KIAA1217: variants seen among roughly 807,000 people sequenced by gnomAD.
KIAA1217 encodes KIAA1217.
A neutral mutation model predicts 163.9 loss-of-function variants in KIAA1217; 88 were observed. The observed-to-expected ratio is 0.54, with a 90% CI of 0.45 to 0.64. KIAA1217 has a LOEUF of 0.64. Among genes scored for constraint, KIAA1217 ranks in the 30% least tolerant of loss-of-function variants. The probability of loss-of-function intolerance (pLI) is 0.00; values close to 1 mark genes in which losing one functional copy is unlikely to be tolerated. For missense variants in KIAA1217, 2,372 were observed against 2,475.0 expected (o/e 0.96, Z 0.88); for synonymous variants, 903 against 923.1 (o/e 0.98, Z 0.39).
intron 1 of KIAA1217, among the ~76,000 whole-genome samples, chr10:23,937,734 G>C (rs952872022): frequency 6.6e-6 from 1 of 152,080 alleles, no homozygotes; most frequent in Non-Finnish European, 1.5e-5. Context: ...GGATAACAGG[G>C]CCCAGGTTTA....
chr10:23,800,743 A>G (rs1487811150), intron 1 of KIAA1217, among the ~76,000 whole-genome samples: 1 of 152,220 alleles, frequency 6.6e-6, no homozygotes, highest in Non-Finnish European at 1.5e-5. Context: ...ATCACTGGTT[A>G]TTAGAGAAAT....
At position 23,759,375 on chromosome 10, in the gene KIAA1217, C is replaced by T. The variant is rs76722746; in HGVS notation, c.-321+64141C>T. Reference sequence around the variant, plus strand: ...GTGAACAGAGATAATTTTGCTTCTTCCTTTCCAATTTGGATACCTTTGATT... The same window carrying T: ...GTGAACAGAGATAATTTTGCTTCTTTCTTTCCAATTTGGATACCTTTGATT... On this transcript the variant is annotated intron_variant, in intron 1 of 18. Transcript: ENST00000376462. Among the ~76,000 whole-genome samples the T allele has an allele frequency of 1.8e-3, 267 of 152,248 alleles. 13 individuals carry two copies. The East Asian group carries it at 0.027, about 16-fold the overall frequency.
chr10:23,934,602 TATATGTATATATATATATATA>T lies in KIAA1217; in HGVS notation c.-320-72622_-320-72602del, dbSNP rs1843430261. Among the ~76,000 whole-genome samples the T allele has an allele frequency of 4.7e-5, 4 of 85,448 alleles. 2 individuals are homozygous for T. In the African/African-American group the frequency reaches 4.7e-4, roughly 10 times the overall value. 56.1% of individuals were successfully genotyped at this position (85,448 alleles called of 152,430 possible). On this transcript the variant is annotated intron_variant, in intron 1 of 18. Coordinates refer to the KIAA1217 transcript ENST00000376462. ...ATATATATATATATGTATATATATA[TATATGTATATATATATATATA>T]TATTTTTTTTTTGAGACGGAGTCTC... is the stretch of plus-strand genomic sequence containing the variant.
chr10:24,138,387 A>G (rs777857579), intron 2 of KIAA1217, among the ~76,000 whole-genome samples: 4 of 152,176 alleles, frequency 2.6e-5, no homozygotes, highest in African/African-American at 9.7e-5. Flanking sequence ...GGATTCAGCA[A>G]TCCTCCTGTT....
At chr10:24,004,684 C>G (rs145707845) in intron 1 of KIAA1217, among the ~76,000 whole-genome samples, 4 of 152,362 alleles carry the variant, frequency 2.6e-5, no homozygotes, top group African/African-American at 9.6e-5. Flanking sequence ...CCACACTGTG[C>G]ATGCACAAAT....
chr10:23,808,847 A>G (rs1412733426), intron 1 of KIAA1217, among the ~76,000 whole-genome samples: 5 of 152,172 alleles, frequency 3.3e-5, no homozygotes, highest in African/African-American at 1.2e-4. Context: ...AAATAAAAAT[A>G]TAAACTCACC....
At chr10:24,264,572 GATA>G (rs1297905757) in intron 2 of KIAA1217, among the ~76,000 whole-genome samples, 1 of 152,208 alleles carries the variant, frequency 6.6e-6, no homozygotes, top group East Asian at 1.9e-4. Flanking sequence ...AACTGTGAGT[GATA>G]ACGTGTTTCC....
chr10:24,154,515 C>T (rs921158575), intron 2 of KIAA1217, among the ~76,000 whole-genome samples: 4 of 152,124 alleles, frequency 2.6e-5, no homozygotes, highest in African/African-American at 9.7e-5. Flanking sequence ...TATAAAAGCA[C>T]TTAGTGCATT....
chr10:24,063,125 C>A (rs2060797438), intron 2 of KIAA1217, among the ~76,000 whole-genome samples: 1 of 152,060 alleles, frequency 6.6e-6, no homozygotes, highest in Non-Finnish European at 1.5e-5. Context: ...TTTTGCTGTG[C>A]AGAAGCTCTT....
intron 1 of KIAA1217, among the ~76,000 whole-genome samples, chr10:23,981,565 T>C (rs1351993031): frequency 1.3e-5 from 2 of 152,200 alleles, no homozygotes; most frequent in Non-Finnish European, 2.9e-5. Context: ...AGCTAAAAAA[T>C]GCATTTCTTT....
intron 6 of KIAA1217, among the ~76,000 whole-genome samples, chr10:24,480,625 G>GAT (rs776881214): frequency 3.9e-5 from 6 of 152,136 alleles, no homozygotes; most frequent in Non-Finnish European, 8.8e-5. Flanking sequence ...GGCAGCCTGG[G>GAT]ATATACTAAG....
chr10:24,463,007 A>G (rs2062579886), intron 5 of KIAA1217, among the ~76,000 whole-genome samples: 1 of 152,188 alleles, frequency 6.6e-6, no homozygotes, highest in Non-Finnish European at 1.5e-5. Context: ...AGATGGAGAT[A>G]AGAGAAGGAA....
intron 1 of KIAA1217, among the ~76,000 whole-genome samples, chr10:23,967,127 AAAC>A (rs986832081): frequency 2.6e-5 from 4 of 152,150 alleles, no homozygotes; most frequent in African/African-American, 9.6e-5. Flanking sequence ...GAAAAAGTGA[AAAC>A]AAATGGCAAA....
intron 1 of KIAA1217, among the ~76,000 whole-genome samples, chr10:23,980,691 C>A (rs548448801): frequency 2.5e-4 from 38 of 152,294 alleles, no homozygotes; most frequent in Admixed American, 1.1e-3. Context: ...ATTCCTGATA[C>A]CTGTTGTTTC....
In KIAA1217 at chr10:24,252,170, A is replaced by C. The variant is rs1281227965; in HGVS notation, c.354+32261A>C. Among the ~76,000 whole-genome samples, 3 of 152,210 alleles carry C rather than the reference A, an allele frequency of 2.0e-5. No individual in the cohort carries two copies. The East Asian group carries it at 5.8e-4, about 29-fold the overall frequency. ...TTGTCTCCTTCAAGATTACTTAGTT[A>C]AAGGCAAACAGGTTCATAGCCAGTG... On this transcript the variant is annotated intron_variant, in intron 2 of 20. Coordinates refer to ENST00000376454, the MANE Select transcript of KIAA1217 (RefSeq NM_019590.5).
chr10:24,447,247 T>C (rs1304156645), intron 5 of KIAA1217, among the ~76,000 whole-genome samples: 1 of 151,966 alleles, frequency 6.6e-6, no homozygotes, highest in Non-Finnish European at 1.5e-5. Flanking sequence ...ATTTATTTAT[T>C]TATCTATTTA....
chr10:24,287,326 C>T (rs966329302), intron 2 of KIAA1217, among the ~76,000 whole-genome samples: 22 of 152,310 alleles, frequency 1.4e-4, no homozygotes, highest in African/African-American at 4.3e-4. Flanking sequence ...GCTGGGGTTA[C>T]GGGCGTGAGC....
At chr10:23,736,928 A>T (rs1838839772) in intron 1 of KIAA1217, among the ~76,000 whole-genome samples, 1 of 152,128 alleles carries the variant, frequency 6.6e-6, no homozygotes, top group Non-Finnish European at 1.5e-5. Flanking sequence ...TATATTTCGG[A>T]ATCAGCTTGC....
At chr10:23,827,550 T>G (rs1188360553) in intron 1 of KIAA1217, among the ~76,000 whole-genome samples, 1 of 152,226 alleles carries the variant, frequency 6.6e-6, no homozygotes, top group Non-Finnish European at 1.5e-5. Context: ...CTACTATGCC[T>G]CAGGCACTGT....
Sources: gnomAD v4.1 joint callset for allele counts (sites outside exome capture counted in the v4.1 genomes callset) on GRCh38, gnomAD v4.1.1 for gene constraint, MANE v1.5 for transcripts, NCBI Gene and HGNC (gene_info 2026-07-23, HGNC 2026-07-21) for gene names.